The following IL4I1 variants were observed in gnomAD, a reference collection of about 807,000 sequenced individuals.
IL4I1 encodes the protein interleukin 4 induced 1, also known as L-amino-acid oxidase.
A neutral mutation model predicts 29.7 loss-of-function variants in IL4I1; 24 were observed. The observed-to-expected ratio is 0.81, with a 90% confidence interval of 0.59 to 1.14. The LOEUF (loss-of-function observed/expected upper bound fraction) is 1.14. Ranked by LOEUF, IL4I1 falls within the 50% of genes most tolerant of loss-of-function variation. The pLI is 0.00. For synonymous variants in IL4I1, 371 were observed against 352.5 expected, an observed-to-expected ratio of 1.05 and a Z score of -0.59; for missense variants, 686 against 785.6, an observed-to-expected ratio of 0.87 and a Z score of 1.52.
chr19:49,896,965 G>A, upstream of IL4I1: 1 of 833,848 alleles, frequency 1.2e-6, no homozygotes, highest in Non-Finnish European at 1.4e-6. Flanking sequence ...CTGGCCGAGG[G>A]AAATGAAACT....
At chr19:49,907,065 T>C in intron 2 of IL4I1, 1 of 156,172 alleles carries the variant, frequency 6.4e-6, no homozygotes, top group Non-Finnish European at 1.4e-5. Context: ...GACGTTACAC[T>C]GGGCTTCATT....
chr19:49,920,753 G>T (rs1375642197), intron 2 of IL4I1, among the ~76,000 whole-genome samples: 1 of 152,224 alleles, frequency 6.6e-6, no homozygotes, highest in Non-Finnish European at 1.5e-5. Flanking sequence ...GGTTGGCGGT[G>T]CAGGCACAGG....
rs1267202471 is a variant in IL4I1 at position 49,921,046 on chromosome 19, G to A, written c.-228+6648C>T. 6.6e-6 allele frequency among the ~76,000 whole-genome samples: 1 copy of A among 152,114 alleles called. No individual in the cohort carries two copies. The highest frequency in any genetic ancestry group is 1.5e-5 in the Non-Finnish European group (1 of 68,022). On this transcript the variant is annotated intron_variant, in intron 2 of 9. Coordinates refer to the IL4I1 transcript ENST00000341114. This position sits in a 1 kb window ranked among gnomAD's most constrained non-coding sequence, Gnocchi z 5.4. Reference sequence around the variant, plus strand: ...CAGGGTGGCTTTCATTATGAGAACTGGAAGCAAACACAGCCCCTTCCTGCC... The same window carrying A: ...CAGGGTGGCTTTCATTATGAGAACTAGAAGCAAACACAGCCCCTTCCTGCC...
chr19:49,928,488 G>A (rs2075966166), intron 1 of IL4I1: 1 of 150,182 alleles, frequency 6.7e-6, no homozygotes, highest in African/African-American at 2.5e-5. Context: ...CTGCACTCCA[G>A]CCTGGGCGAC....
At chr19:49,908,835 T>C (rs762236597) in intron 2 of IL4I1, 7 of 1,612,818 alleles carry the variant, frequency 4.3e-6, no homozygotes, top group South Asian at 1.1e-5. Flanking sequence ...ATGGCGGAGC[T>C]GGCAGCCGCC....
At chr19:49,909,728 G>A (rs2075414313) in intron 2 of IL4I1, 1 of 1,614,162 alleles carries the variant, frequency 6.2e-7, no homozygotes, top group Non-Finnish European at 8.5e-7. Context: ...TGTAGCAGGT[G>A]TGGTTGTTGC....
Position 49,923,690 on chromosome 19 carries a change from C to T in IL4I1, c.-228+4004G>A, listed in dbSNP as rs116909702. On this transcript the variant is annotated intron_variant, in intron 2 of 9. Transcript: ENST00000341114. ...ACTCTAGGTATTTCACGCACATTTA[C>T]ACATTTAATCCTCAAAACCACCGTC... Among the ~76,000 whole-genome samples, 551 of 152,358 alleles carry T rather than the reference C, an allele frequency of 3.6e-3. 1 individual carries two copies. Among genetic ancestry groups the T allele is most frequent in the Non-Finnish European group, 5.8e-3 (394 of 68,022 alleles).
chr19:49,903,232 C>A (rs1052974433), intron 3 of IL4I1, among the ~76,000 whole-genome samples: 2 of 152,200 alleles, frequency 1.3e-5, no homozygotes, highest in Non-Finnish European at 2.9e-5. Flanking sequence ...TCTGTGGATT[C>A]AAGGGAACTA....
chr19:49,913,850 G>A lies in IL4I1; in HGVS notation c.-227-9529C>T, dbSNP rs149195233. On this transcript the variant is annotated intron_variant, in intron 2 of 9. Coordinates refer to the IL4I1 transcript ENST00000341114. Reference sequence around the variant, plus strand: ...CCATACATACCATGCTAACGGTTCGGGCGTTATATTGAGGGAGCCACAGGC... The same window carrying A: ...CCATACATACCATGCTAACGGTTCGAGCGTTATATTGAGGGAGCCACAGGC... Among the ~76,000 whole-genome samples, 149 of 152,268 alleles carry A rather than the reference G, an allele frequency of 9.8e-4. 1 individual carries two copies. The highest frequency in any genetic ancestry group is 3.4e-3 in the Middle Eastern group (1 of 294).
intron 6 of IL4I1, 131 bp downstream of exon 6, chr19:49,891,274 C>T: frequency 3.6e-6 from 5 of 1,396,768 alleles, no homozygotes; most frequent in Non-Finnish European, 5.0e-6. Context: ...GGGGCGTGTC[C>T]AGCCCCCGGG....
At chr19:49,895,285 G>A (rs1000936418) in intron 3 of IL4I1, 105 bp from the exon 4 acceptor site, 2 of 861,650 alleles carry the variant, frequency 2.3e-6, no homozygotes, top group African/African-American at 3.3e-5. Context: ...CATCCCCACA[G>A]TGGCCCAGAC....
chr19:49,895,716 T>G, intron 3 of IL4I1, 99 bp downstream of exon 3: 5 of 481,982 alleles, frequency 1.0e-5, no homozygotes, highest in Non-Finnish European at 2.0e-5. Flanking sequence ...CATCCCCACC[T>G]CCACCCCCTC....
Position 49,894,365 on chromosome 19 carries a change from T to G in IL4I1, c.470A>C (p.Tyr157Ser), listed in dbSNP as rs1385063141. 51 of 1,614,088 alleles carry G rather than the reference T, an allele frequency of 3.2e-5. No homozygotes were observed. Among genetic ancestry groups the G allele is most frequent in the Non-Finnish European group, 4.2e-5 (50 of 1,180,036 alleles). Reference protein sequence around the residue: ...TEVHEVKLRNYVVEKVPEKLG... With the variant: ...TEVHEVKLRNSVVEKVPEKLG... ...CTTCTCGGGCACCTTCTCCACCACA[T>G]AGTTGCGCAGCTTCACTTCGTGCAC... is the stretch of plus-strand genomic sequence containing the variant. The change falls in exon 5 of 8, where the codon TAT becomes TCT. Residue 157 changes from tyrosine to serine, a missense_variant. Physicochemically the swap from Tyr to Ser is moderately radical, Grantham distance 144 (BLOSUM62 -2). Transcript: ENST00000391826.
chr19:49,918,062 G>A (rs1281126444), intron 2 of IL4I1, among the ~76,000 whole-genome samples: 3 of 151,166 alleles, frequency 2.0e-5, no homozygotes, highest in African/African-American at 7.3e-5. Flanking sequence ...CATGGAGAGG[G>A]TCTGCTTTCC....
Position 49,890,581 on chromosome 19 carries a change from C to T in IL4I1, c.793G>A (p.Gly265Ser). Residue 265 changes from glycine (G) to serine (S), a missense_variant, in exon 8 of 8, where the codon GGC (glycine) becomes AGC (serine). Transcript: ENST00000391826. ...DRLQYSRIVG[G>S]WDLLPRALLS... ...AGCGCGCGCGGCAGCAGGTCCCAGC[C>T]ACCCACGATGCGGCTGTACCTGCAG... 1 of 1,576,046 alleles carries T rather than the reference C, an allele frequency of 6.3e-7. No homozygotes were observed.
upstream of IL4I1, among the ~76,000 whole-genome samples, chr19:49,900,762 C>G (rs748179475): frequency 6.6e-5 from 10 of 152,142 alleles, no homozygotes; most frequent in Non-Finnish European, 1.0e-4. Context: ...TATCTGTTGA[C>G]TTCAGCTGGT....
At chr19:49,908,101 G>A (rs2075363597) in intron 2 of IL4I1, 15 of 1,487,990 alleles carry the variant, frequency 1.0e-5, no homozygotes, top group Non-Finnish European at 1.3e-5. Context: ...AAAGCACACA[G>A]CGATCATGTC....
chr19:49,890,882 C>T, intron 7 of IL4I1, 89 bp downstream of exon 7: 3 of 1,141,372 alleles, frequency 2.6e-6, no homozygotes, highest in South Asian at 1.6e-5. Context: ...AACAGCCCCG[C>T]CCCCAGACCC....
rs1438337577 is a variant in IL4I1 at position 49,889,982 on chromosome 19, G to T, written c.1392C>A (p.Thr464=). ...FVVQPPALWQ[T]EKDDWTVPYG... is the part of the protein sequence containing the mutation. ...AAGGGACCGTCCAGTCATCCTTTTC[G>T]GTTTGCCAGAGCGCCGGCGGCTGTA... The change falls in exon 8 of 8, where the codon ACC becomes ACA. Residue 464 remains threonine, a synonymous_variant. Coordinates refer to ENST00000391826, the MANE Select transcript of IL4I1 (RefSeq NM_152899.2). The T allele has an allele frequency of 6.4e-7, 1 of 1,569,414 alleles. No individual in the cohort carries two copies. Among genetic ancestry groups the T allele is most frequent in the Non-Finnish European group, 8.6e-7 (1 of 1,157,548 alleles).
Sources: allele counts gnomAD v4.1 joint callset (sites outside exome capture counted in the v4.1 genomes callset), GRCh38; gene constraint gnomAD v4.1.1; non-coding constraint Gnocchi (gnomAD v3.1); transcripts MANE v1.5; gene names NCBI Gene and HGNC (gene_info 2026-07-23, HGNC 2026-07-21).